The following STK24 variants were observed in gnomAD, a reference collection of about 807,000 sequenced individuals.
STK24 encodes serine/threonine kinase 24, also known as serine/threonine-protein kinase 24.
In STK24, 21 loss-of-function variants were observed where a neutral mutation model predicts 55.6. That is an observed-to-expected ratio of 0.38 (90% CI 0.27 to 0.54). The LOEUF (loss-of-function observed/expected upper bound fraction) is 0.54. Among genes scored for constraint, STK24 ranks in the 20% least tolerant of loss-of-function variants. STK24 has a pLI of 0.79. For synonymous variants in STK24, 200 were observed against 215.2 expected (o/e 0.93, Z 0.62); for missense variants, 383 against 538.4 (o/e 0.71, Z 2.86).
intron 5 of STK24, 115 bp from the exon 6 acceptor site, chr13:98,466,676 T>C (rs1893937343): frequency 1.7e-6 from 2 of 1,151,762 alleles, no homozygotes; most frequent in Non-Finnish European, 2.4e-6. Context: ...AAAAAGGTAT[T>C]TTTAACTGAT....
rs1892927886 is a variant in STK24, at chr13:98,447,559, T to C, written c.*5614A>G. On this transcript the variant is annotated 3_prime_UTR_variant, in exon 11 of 11. Transcript: ENST00000539966. Reference sequence around the variant, plus strand: ...GCATTGTGCAGGATGTTCAGCGGCATCCCTGGCCACCCACTAGATGCCCGC... The same window carrying C: ...GCATTGTGCAGGATGTTCAGCGGCACCCCTGGCCACCCACTAGATGCCCGC... 6.6e-6 allele frequency: 1 copy of C among 152,564 alleles called. No individual in the cohort carries two copies. Among genetic ancestry groups the C allele is most frequent in the African/African-American group, 2.4e-5 (1 of 41,430 alleles). 9.5% of individuals were successfully genotyped at this position (152,564 alleles called of 1,614,324 possible).
chr13:98,504,636 A>T (rs1895617866), intron 2 of STK24, among the ~76,000 whole-genome samples: 1 of 152,102 alleles, frequency 6.6e-6, no homozygotes, highest in African/African-American at 2.4e-5. Flanking sequence ...AAAGCTGTGG[A>T]GTCGTCGGTG....
intron 1 of STK24, among the ~76,000 whole-genome samples, chr13:98,574,504 A>C (rs945016956): frequency 1.3e-5 from 2 of 152,214 alleles, no homozygotes; most frequent in African/African-American, 4.8e-5. Context: ...TGCTAATTTG[A>C]AGTAGAAAAT....
intron 5 of STK24, among the ~76,000 whole-genome samples, chr13:98,473,890 CTA>C (rs768336620): frequency 6.6e-6 from 1 of 152,198 alleles, no homozygotes; most frequent in Non-Finnish European, 1.5e-5. Flanking sequence ...GCTTCCTGTA[CTA>C]TGTTTAACAA....
At chr13:98,482,124 C>A (rs1468099721) in intron 3 of STK24, 141 bp downstream of exon 3, 9 of 385,164 alleles carry the variant, frequency 2.3e-5, no homozygotes, top group South Asian at 1.8e-4. Context: ...AGCAAAAAAA[C>A]ACGTAAGGAA....
At chr13:98,459,435 TCAGA>T (rs750207752) in intron 9 of STK24, among the ~76,000 whole-genome samples, 4 of 152,196 alleles carry the variant, frequency 2.6e-5, no homozygotes, top group Non-Finnish European at 5.9e-5. Flanking sequence ...TCAGAGGCCC[TCAGA>T]CAAACCCTCC....
At chr13:98,520,109 T>C (rs1483589699) in intron 1 of STK24, among the ~76,000 whole-genome samples, 1 of 152,152 alleles carries the variant, frequency 6.6e-6, no homozygotes, top group Non-Finnish European at 1.5e-5. Context: ...CATACATATA[T>C]AGTATACATT....
intron 8 of STK24, among the ~76,000 whole-genome samples, chr13:98,461,053 A>AG (rs1893683976): frequency 8.4e-5 from 11 of 131,502 alleles, no homozygotes; most frequent in South Asian, 2.5e-4. Flanking sequence ...CAAAAAAAAA[A>AG]AAGAGAGAGA....
At position 98,457,267 on chromosome 13, in the gene STK24, C is replaced by T; in HGVS notation, c.1160G>A (p.Gly387Glu). The change falls in exon 10 of 11, where the codon GGG becomes GAG. Residue 387 changes from glycine (G) to glutamate (E), a missense_variant. Gly to Glu is a moderately conservative substitution (Grantham distance 98). Coordinates refer to ENST00000539966, the MANE Select transcript of STK24 (RefSeq NM_001032296.4). ...EKSQACGGNL[G>E]SIEELRGAIY... ...GGCCCCTCGCAGCTCTTCAATGGAC[C>T]CCAAGTTCCCTCCGCACGCCTGGCT... 1.2e-6 allele frequency: 2 copies of T among 1,613,962 alleles called. No individual in the cohort carries two copies. The highest frequency in any genetic ancestry group is 8.5e-7 in the Non-Finnish European group (1 of 1,180,034).
chr13:98,470,019 G>C (rs1328873655), intron 5 of STK24, among the ~76,000 whole-genome samples: 2 of 152,224 alleles, frequency 1.3e-5, no homozygotes, highest in South Asian at 2.1e-4. Flanking sequence ...TCAGAAGAAT[G>C]ATTAAGTTGC....
At chr13:98,571,857 C>G (rs767547916) in intron 1 of STK24, among the ~76,000 whole-genome samples, 87 of 152,212 alleles carry the variant, frequency 5.7e-4, no homozygotes, top group Non-Finnish European at 9.3e-4. Flanking sequence ...GCTCCCCACT[C>G]GCATCCCTGG....
chr13:98,470,048 T>C (rs909518922), intron 5 of STK24, among the ~76,000 whole-genome samples: 2 of 152,266 alleles, frequency 1.3e-5, no homozygotes, highest in African/African-American at 4.8e-5. Context: ...ATTAACTTAA[T>C]GAAGTAGGAT....
In STK24 at chr13:98,466,352, C is replaced by T. The variant is rs777754704; in HGVS notation, c.783+24G>A. 1.4e-5 allele frequency: 22 copies of T among 1,609,698 alleles called. No individual in the cohort carries two copies. The East Asian group carries it at 2.0e-4, about 15-fold the overall frequency. On this transcript the variant is annotated intron_variant, in intron 6 of 10. Transcript: ENST00000539966. ...AAGTCAAGCCGCACATGAAGAGGTACGCTGTGATCCCTGGGAAACTTACAA... is the reference window on the plus strand; with the variant it reads ...AAGTCAAGCCGCACATGAAGAGGTATGCTGTGATCCCTGGGAAACTTACAA...
chr13:98,461,119 C>G (rs1283050508), intron 8 of STK24, among the ~76,000 whole-genome samples: 1 of 151,680 alleles, frequency 6.6e-6, no homozygotes, highest in African/African-American at 2.4e-5. Context: ...GAAATCAGGT[C>G]AAGATTGGCC....
At chr13:98,545,715 A>G (rs895093784) in intron 1 of STK24, among the ~76,000 whole-genome samples, 2 of 152,102 alleles carry the variant, frequency 1.3e-5, no homozygotes, top group African/African-American at 4.8e-5. Flanking sequence ...GTCAGTGATT[A>G]GACAACTCAA....
In STK24 at chr13:98,448,863, C is replaced by CTGA. The variant is rs1052861769; in HGVS notation, c.*4307_*4309dup. 1.3e-5 allele frequency: 2 copies of CTGA among 152,236 alleles called. No homozygotes were observed. The highest frequency in any genetic ancestry group is 2.4e-5 in the African/African-American group (1 of 41,374). 9.4% of individuals were successfully genotyped at this position (152,236 alleles called of 1,614,324 possible). A position where few individuals can be genotyped will look rare whatever the true frequency, so the allele number is the denominator to read the frequency against. On this transcript the variant is annotated 3_prime_UTR_variant, in exon 11 of 11. Coordinates refer to ENST00000539966, the MANE Select transcript of STK24 (RefSeq NM_001032296.4). ...TAGGAAGTTAGTAGGACTCACTTCT[C>CTGA]TGATTAATAAGCAATTTGCAGCACA... is the stretch of plus-strand genomic sequence containing the variant.
chr13:98,574,650 T>C (rs1897833565), intron 1 of STK24, among the ~76,000 whole-genome samples: 1 of 152,208 alleles, frequency 6.6e-6, no homozygotes, highest in African/African-American at 2.4e-5. Flanking sequence ...CTTACCTACC[T>C]CTAAAACTGT....
At chr13:98,464,935 G>C (rs985572218) in intron 6 of STK24, among the ~76,000 whole-genome samples, 1 of 152,298 alleles carries the variant, frequency 6.6e-6, no homozygotes. Flanking sequence ...AACTGGATGC[G>C]CTTCACCACC....
At chr13:98,573,637 T>G (rs1247621269) in intron 1 of STK24, among the ~76,000 whole-genome samples, 3 of 152,254 alleles carry the variant, frequency 2.0e-5, no homozygotes, top group Non-Finnish European at 4.4e-5. Context: ...GGTTGCTGAT[T>G]GAATAAATTA....
Sources: allele counts gnomAD v4.1 joint callset (sites outside exome capture counted in the v4.1 genomes callset), GRCh38; gene constraint gnomAD v4.1.1; transcripts MANE v1.5; gene names NCBI Gene and HGNC (gene_info 2026-07-23, HGNC 2026-07-21).